SNRK: variants seen among roughly 807,000 people sequenced by gnomAD.
The protein encoded by SNRK is SNF-related serine/threonine-protein kinase.
Under a neutral mutation model 48.2 loss-of-function variants are expected in SNRK, and 3 were observed. That is an observed-to-expected ratio of 0.06 (90% CI 0.03 to 0.16). SNRK has a LOEUF of 0.16. Ranked by LOEUF, SNRK falls within the 10% of genes least tolerant of loss-of-function variation. SNRK has a pLI of 1.00. For synonymous variants in SNRK, 376 were observed against 366.1 expected, an observed-to-expected ratio of 1.03 and a Z score of -0.31; for missense variants, 627 against 976.0, an observed-to-expected ratio of 0.64 and a Z score of 4.76.
chr3:43,317,475 C>A (rs1397170184), intron 3 of SNRK, among the ~76,000 whole-genome samples: 1 of 152,206 alleles, frequency 6.6e-6, no homozygotes, highest in Non-Finnish European at 1.5e-5. Flanking sequence ...TTTCTTTGTA[C>A]AATTCAAGTT....
chr3:43,300,790 C>T (rs2090892490), intron 2 of SNRK, among the ~76,000 whole-genome samples: 1 of 152,184 alleles, frequency 6.6e-6, no homozygotes, highest in African/African-American at 2.4e-5. Flanking sequence ...TGCTTCCCCC[C>T]ACACACACCT....
intron 3 of SNRK, among the ~76,000 whole-genome samples, chr3:43,316,706 T>C (rs796663945): frequency 7.2e-5 from 11 of 152,160 alleles, no homozygotes; most frequent in African/African-American, 2.4e-4. Context: ...TTAGACCCCT[T>C]GGAAATTTTT....
In SNRK at chr3:43,307,056, A is replaced by C. The variant is rs17075538; in HGVS notation, c.589+3264A>C. Among the ~76,000 whole-genome samples the C allele has an allele frequency of 2.3e-3, 357 of 152,204 alleles. 2 individuals are homozygous for C. Among genetic ancestry groups the C allele is most frequent in the African/African-American group, 7.8e-3 (324 of 41,536 alleles). On this transcript the variant is annotated intron_variant, in intron 3 of 6. Coordinates refer to ENST00000296088, the MANE Select transcript of SNRK (RefSeq NM_017719.5). Reference sequence around the variant, plus strand: ...ACATACTTAAGATTATGCATTATGCACCTTGTTCCTTTGTACCCTTACATG... The same window carrying C: ...ACATACTTAAGATTATGCATTATGCCCCTTGTTCCTTTGTACCCTTACATG...
At chr3:43,298,081 C>T (rs539885162) in intron 1 of SNRK, among the ~76,000 whole-genome samples, 15 of 152,288 alleles carry the variant, frequency 9.8e-5, no homozygotes, top group African/African-American at 3.6e-4. Context: ...TACTCTGTGC[C>T]AGGCACTATT....
intron 3 of SNRK, among the ~76,000 whole-genome samples, chr3:43,316,862 G>A (rs1477076939): frequency 6.6e-6 from 1 of 151,384 alleles, no homozygotes; most frequent in African/African-American, 2.4e-5. Context: ...CCTTTCCACT[G>A]CTGTTCCCTG....
chr3:43,313,562 G>A (rs988692004), intron 3 of SNRK, among the ~76,000 whole-genome samples: 2 of 152,194 alleles, frequency 1.3e-5, no homozygotes, highest in Non-Finnish European at 1.5e-5. Context: ...TGGTGTGCCT[G>A]TAAAAAGATA....
chr3:43,299,323 G>A (rs541676213), intron 1 of SNRK, among the ~76,000 whole-genome samples: 5 of 152,014 alleles, frequency 3.3e-5, no homozygotes, highest in Non-Finnish European at 7.4e-5. Context: ...GATTACAGGC[G>A]CCCGCCTCCA....
rs2090854325 is a variant in SNRK, at chr3:43,296,419, T to TATATAC, written c.-168-3330_-168-3329insCATATA. On this transcript the variant is annotated intron_variant, in intron 1 of 6. Coordinates refer to ENST00000296088, the MANE Select transcript of SNRK (RefSeq NM_017719.5). ...TGTATTAGATGGATATACTGGCATA[T>TATATAC]ATATATATATATATGTATATATATA... 5.6e-5 allele frequency among the ~76,000 whole-genome samples: 8 copies of TATATAC among 143,952 alleles called. 1 individual carries two copies. Among genetic ancestry groups the TATATAC allele is most frequent in the East Asian group, 4.1e-4 (2 of 4,934 alleles). The allele number at this position is 143,952 out of a possible 152,430, so 94.4% of individuals were successfully genotyped here.
chr3:43,293,377 A>G (rs1239982257), intron 1 of SNRK, among the ~76,000 whole-genome samples: 2 of 152,170 alleles, frequency 1.3e-5, no homozygotes, highest in Non-Finnish European at 2.9e-5. Context: ...GTATTTTCAG[A>G]AAAATTGGTG....
chr3:43,327,545 C>T (rs895175023), intron 3 of SNRK, among the ~76,000 whole-genome samples: 2 of 152,086 alleles, frequency 1.3e-5, no homozygotes, highest in African/African-American at 4.8e-5. Context: ...AGGTTTCTAC[C>T]TAAAATCCTT....
intron 3 of SNRK, among the ~76,000 whole-genome samples, chr3:43,305,916 A>T (rs1575537207): frequency 6.6e-6 from 1 of 152,230 alleles, no homozygotes; most frequent in Non-Finnish European, 1.5e-5. Context: ...AGGGGCAGGC[A>T]TATCTGTAGG....
At chr3:43,293,682 A>G (rs1405640059) in intron 1 of SNRK, among the ~76,000 whole-genome samples, 1 of 152,162 alleles carries the variant, frequency 6.6e-6, no homozygotes, top group Non-Finnish European at 1.5e-5. Flanking sequence ...CGGGAGGCCA[A>G]GGCAGGTGAA....
chr3:43,307,421 G>A (rs992397008), intron 3 of SNRK, among the ~76,000 whole-genome samples: 16 of 152,180 alleles, frequency 1.1e-4, no homozygotes, highest in East Asian at 3.9e-4. Flanking sequence ...GAAGGTTGCC[G>A]CAACCCTTCA....
At chr3:43,320,011 C>T (rs2091041687) in intron 3 of SNRK, among the ~76,000 whole-genome samples, 1 of 152,168 alleles carries the variant, frequency 6.6e-6, no homozygotes, top group South Asian at 2.1e-4. Context: ...AGTGGACCCG[C>T]AACTATTTGG....
intron 4 of SNRK, chr3:43,332,729 C>G (rs2091155894): frequency 6.5e-6 from 1 of 153,146 alleles, no homozygotes; most frequent in Non-Finnish European, 1.5e-5. Flanking sequence ...CTGAATAGAC[C>G]ATCAACACAC....
At chr3:43,314,036 A>G (rs2090997548) in intron 3 of SNRK, among the ~76,000 whole-genome samples, 1 of 152,246 alleles carries the variant, frequency 6.6e-6, no homozygotes, top group Non-Finnish European at 1.5e-5. Context: ...GTTCAAATGC[A>G]TTCTAACAAA....
rs1212586755 is a variant in SNRK at position 43,349,086 on chromosome 3, GTGTC to G, written c.*532_*535del. ...GCCCGTGCAGAGCAGAGGACAGTGA[GTGTC>G]TGCACTGAGAACCTTAAACCACAGT... On this transcript the variant is annotated 3_prime_UTR_variant, in exon 7 of 7. Coordinates refer to ENST00000296088, the MANE Select transcript of SNRK (RefSeq NM_017719.5). 1 of 152,764 alleles carries G rather than the reference GTGTC, an allele frequency of 6.5e-6. No homozygotes were observed. Among genetic ancestry groups the G allele is most frequent in the Non-Finnish European group, 1.5e-5 (1 of 68,122 alleles). The allele number at this position is 152,764 out of a possible 1,614,324, so 9.5% of individuals were successfully genotyped here. A position where few individuals can be genotyped will look rare whatever the true frequency, so the allele number is the denominator to read the frequency against.
At chr3:43,301,004 C>G (rs2090894041) in intron 2 of SNRK, among the ~76,000 whole-genome samples, 1 of 152,176 alleles carries the variant, frequency 6.6e-6, no homozygotes. Flanking sequence ...GTTACTGTGC[C>G]TCAAAAGGGG....
At chr3:43,341,977 CAT>C (rs1450581532) in intron 5 of SNRK, among the ~76,000 whole-genome samples, 19 of 152,300 alleles carry the variant, frequency 1.2e-4, no homozygotes, top group African/African-American at 3.6e-4. Flanking sequence ...ATGACCTAAA[CAT>C]GTGGTGGAGA....
Sources: allele counts gnomAD v4.1 joint callset (sites outside exome capture counted in the v4.1 genomes callset), GRCh38; gene constraint gnomAD v4.1.1; transcripts MANE v1.5; gene names NCBI Gene and HGNC (gene_info 2026-07-23, HGNC 2026-07-21).